Variants in ABHD5 observed in about 807,000 individuals in gnomAD.
ABHD5 encodes abhydrolase domain containing 5, lysophosphatidic acid acyltransferase, also known as 1-acylglycerol-3-phosphate O-acyltransferase ABHD5.
A neutral mutation model predicts 44.9 loss-of-function variants in ABHD5; 30 were observed. The observed-to-expected ratio is 0.67, with a 90% confidence interval of 0.50 to 0.91. ABHD5 has a LOEUF of 0.91. Ranked by LOEUF, ABHD5 falls within the 40% of genes least tolerant of loss-of-function variation. ABHD5 has a pLI of 0.00. For synonymous variants in ABHD5, 167 were observed against 147.0 expected, an observed-to-expected ratio of 1.14 and a Z score of -0.99; for missense variants, 399 against 423.4, an observed-to-expected ratio of 0.94 and a Z score of 0.50.
chr3:43,716,515 A>G (rs2084765012), intron 5 of ABHD5, among the ~76,000 whole-genome samples: 1 of 152,148 alleles, frequency 6.6e-6, no homozygotes, highest in African/African-American at 2.4e-5. Flanking sequence ...CTACTTTATT[A>G]AAAAGATTGA....
At position 43,718,647 on chromosome 3, in the gene ABHD5, T is replaced by C; in HGVS notation, c.*115T>C. ...CACACAACCAGGCAGCCTTCTTGACTATACTTTGCACATGTTTTCTTTAGG... is the reference window on the plus strand; with the variant it reads ...CACACAACCAGGCAGCCTTCTTGACCATACTTTGCACATGTTTTCTTTAGG... On this transcript the variant is annotated 3_prime_UTR_variant, in exon 7 of 7. Coordinates refer to ENST00000644371, the MANE Select transcript of ABHD5 (RefSeq NM_016006.6). 1 of 996,082 alleles carries C rather than the reference T, an allele frequency of 1.0e-6. No homozygotes were observed. The highest frequency in any genetic ancestry group is 1.3e-5 in the South Asian group (1 of 76,000). 61.7% of individuals were successfully genotyped at this position (996,082 alleles called of 1,614,324 possible).
chr3:43,710,698 A>T (rs2084678411), intron 3 of ABHD5, among the ~76,000 whole-genome samples: 2 of 152,250 alleles, frequency 1.3e-5, no homozygotes, highest in Non-Finnish European at 2.9e-5. Context: ...CCCATGTTTT[A>T]GATTCTTTAC....
intron 6 of ABHD5, 86 bp downstream of exon 6, chr3:43,717,943 G>C: frequency 6.4e-7 from 1 of 1,550,788 alleles, no homozygotes. Context: ...GGTCATCCTC[G>C]TGTTGCAGGT....
rs1056367327 is a variant in ABHD5, at chr3:43,718,661, G to A, written c.*129G>A. ...GCCTTCTTGACTATACTTTGCACAT[G>A]TTTTCTTTAGGAATTCACTCACACA... On this transcript the variant is annotated 3_prime_UTR_variant, in exon 7 of 7. Coordinates refer to ENST00000644371, the MANE Select transcript of ABHD5 (RefSeq NM_016006.6). 67 of 873,068 alleles carry A rather than the reference G, an allele frequency of 7.7e-5. No homozygotes were observed. Among genetic ancestry groups the A allele is most frequent in the Non-Finnish European group, 1.2e-4 (65 of 527,020 alleles). 54.1% of individuals were successfully genotyped at this position (873,068 alleles called of 1,614,324 possible).
intron 4 of ABHD5, among the ~76,000 whole-genome samples, chr3:43,714,504 T>A (rs1425367385): frequency 2.6e-5 from 4 of 152,152 alleles, no homozygotes; most frequent in Admixed American, 6.5e-5. Context: ...CTCGCTAGTG[T>A]CCCAAGAAGA....
Position 43,702,157 on chromosome 3 carries a change from A to T in ABHD5, c.134-58A>T, listed in dbSNP as rs991197098. ...TGTAATTTTTGGTTGCTCTGAGAAT[A>T]CTTCCCTTCTCAGAAGTAATAAAAT... On this transcript the variant is annotated intron_variant, in intron 2 of 6. Coordinates refer to ENST00000644371, the MANE Select transcript of ABHD5 (RefSeq NM_016006.6). 5 of 1,486,710 alleles carry T rather than the reference A, an allele frequency of 3.4e-6. No individual in the cohort carries two copies. In the South Asian group the frequency reaches 3.8e-5, roughly 11 times the overall value. 92.1% of individuals were successfully genotyped at this position (1,486,710 alleles called of 1,614,324 possible). A position where few individuals can be genotyped will look rare whatever the true frequency, so the allele number is the denominator to read the frequency against.
intron 5 of ABHD5, 30 bp downstream of exon 5, chr3:43,715,088 T>TTGGGG: frequency 1.1e-6 from 1 of 903,600 alleles, no homozygotes; most frequent in Non-Finnish European, 1.7e-6. Context: ...ATTCACTCTG[T>TTGGGG]GTGTGTGTGT....
intron 1 of ABHD5, among the ~76,000 whole-genome samples, chr3:43,693,046 A>G (rs1271044256): frequency 6.6e-6 from 1 of 152,204 alleles, no homozygotes; most frequent in Non-Finnish European, 1.5e-5. Flanking sequence ...AACCCCTTTC[A>G]GTTGCAATAC....
chr3:43,703,212 C>G (rs2084567612), intron 3 of ABHD5, among the ~76,000 whole-genome samples: 1 of 150,874 alleles, frequency 6.6e-6, no homozygotes, highest in African/African-American at 2.4e-5. Context: ...TAGAAGCTCG[C>G]TCTGTCACCC....
At chr3:43,706,103 G>A (rs553797478) in intron 3 of ABHD5, among the ~76,000 whole-genome samples, 1 of 152,172 alleles carries the variant, frequency 6.6e-6, no homozygotes, top group Non-Finnish European at 1.5e-5. Flanking sequence ...AAGCAGATGG[G>A]GTGGTTGTCA....
rs796565606 is a variant in ABHD5, at chr3:43,719,333, A to G, written c.*801A>G. On this transcript the variant is annotated 3_prime_UTR_variant, in exon 7 of 7. Transcript: ENST00000644371. ...GTTCTTTGTTTCCCCCTTTCATACT[A>G]TTCTTTTCCATGACCCAGGATGCAG... 5 of 152,250 alleles carry G rather than the reference A, an allele frequency of 3.3e-5. No individual in the cohort carries two copies. The highest frequency in any genetic ancestry group is 2.1e-4 in the South Asian group (1 of 4,832). The allele number at this position is 152,250 out of a possible 1,614,324, so 9.4% of individuals were successfully genotyped here. A position where few individuals can be genotyped will look rare whatever the true frequency, so the allele number is the denominator to read the frequency against.
chr3:43,703,520 T>TAC (rs1350815724), intron 3 of ABHD5, among the ~76,000 whole-genome samples: 1 of 152,216 alleles, frequency 6.6e-6, no homozygotes, highest in East Asian at 1.9e-4. Context: ...TCATTCATGT[T>TAC]ACTACTCTGA....
At chr3:43,712,037 TCTC>T (rs995978326) in intron 4 of ABHD5, among the ~76,000 whole-genome samples, 174 bp downstream of exon 4, 32 of 152,320 alleles carry the variant, frequency 2.1e-4, no homozygotes, top group African/African-American at 7.5e-4. Context: ...ACTAGGTTCT[TCTC>T]CTCAAAGGAG....
chr3:43,718,583 C>A lies in ABHD5; in HGVS notation c.*51C>A. The A allele has an allele frequency of 6.5e-7, 1 of 1,532,974 alleles. No individual in the cohort carries two copies. The highest frequency in any genetic ancestry group is 9.0e-7 in the Non-Finnish European group (1 of 1,106,306). 95.0% of individuals were successfully genotyped at this position (1,532,974 alleles called of 1,614,324 possible). ...CCTGGTGACTGATATAGTTGTTCAGCAATAATTCATAGTCTGTGATGAAGA... is the reference window on the plus strand; with the variant it reads ...CCTGGTGACTGATATAGTTGTTCAGAAATAATTCATAGTCTGTGATGAAGA... On this transcript the variant is annotated 3_prime_UTR_variant, in exon 7 of 7. Coordinates refer to ENST00000644371, the MANE Select transcript of ABHD5 (RefSeq NM_016006.6).
At chr3:43,726,216 T>C (rs73089207), downstream of ABHD5, among the ~76,000 whole-genome samples, 10,258 of 152,190 alleles carry the variant, frequency 0.067, 489 homozygotes, top group Middle Eastern at 0.13. Flanking sequence ...GTCACAGCAA[T>C]GGAAATGATG....
At chr3:43,714,137 C>CTTTTTTTTTTTTTTTTTTTCT (rs542982546) in intron 4 of ABHD5, among the ~76,000 whole-genome samples, 1 of 136,890 alleles carries the variant, frequency 7.3e-6, no homozygotes, top group African/African-American at 2.8e-5. Context: ...TTCTTTTTTT[C>CTTTTTTTTTTTTTTTTTTTCT]TTTTTTTTTT....
intron 3 of ABHD5, among the ~76,000 whole-genome samples, chr3:43,708,772 A>G (rs560684746): frequency 6.6e-6 from 1 of 152,346 alleles, no homozygotes; most frequent in South Asian, 2.1e-4. Context: ...GTTTTAAAAA[A>G]TTATGTTCAA....
rs1459697287 is a variant in ABHD5 at position 43,718,703 on chromosome 3, C to G, written c.*171C>G. 1 of 658,304 alleles carries G rather than the reference C, an allele frequency of 1.5e-6. No individual in the cohort carries two copies. The highest frequency in any genetic ancestry group is 2.8e-6 in the Non-Finnish European group (1 of 362,258). The allele number at this position is 658,304 out of a possible 1,614,324, so 40.8% of individuals were successfully genotyped here. On this transcript the variant is annotated 3_prime_UTR_variant, in exon 7 of 7. Coordinates refer to ENST00000644371, the MANE Select transcript of ABHD5 (RefSeq NM_016006.6). Reference sequence around the variant, plus strand: ...ACTCACACATTTAAACCAGTTAGTGCCTTCTAGAAGAATGGCTTTCCTTTC... The same window carrying G: ...ACTCACACATTTAAACCAGTTAGTGGCTTCTAGAAGAATGGCTTTCCTTTC...
chr3:43,715,409 C>T (rs1431313819), intron 5 of ABHD5, among the ~76,000 whole-genome samples: 5 of 152,116 alleles, frequency 3.3e-5, no homozygotes, highest in Admixed American at 6.5e-5. Context: ...GTCATCTGCC[C>T]GCCTCTGCCT....
Sources: gnomAD v4.1 joint callset for allele counts (sites outside exome capture counted in the v4.1 genomes callset) on GRCh38, gnomAD v4.1.1 for gene constraint, MANE v1.5 for transcripts, NCBI Gene and HGNC (gene_info 2026-07-23, HGNC 2026-07-21) for gene names.